The following STX7 variants were observed in gnomAD, a reference collection of about 807,000 sequenced individuals.
STX7 encodes the protein syntaxin 7.
A neutral mutation model predicts 39.6 loss-of-function variants in STX7; 34 were observed. That is an observed-to-expected ratio of 0.86 (90% CI 0.65 to 1.14). STX7 has a LOEUF of 1.14. Among genes scored for constraint, STX7 ranks in the 50% most tolerant of loss-of-function variants. The pLI, the probability that STX7 is intolerant of heterozygous loss-of-function variation, is 0.00. For missense variants in STX7, 284 were observed against 310.4 expected (o/e 0.92, Z 0.64); for synonymous variants, 119 against 99.1 (o/e 1.20, Z -1.19).
At chr6:132,505,897 T>C (rs77678226) in intron 1 of STX7, among the ~76,000 whole-genome samples, 2,739 of 151,832 alleles carry the variant, frequency 0.018, 71 homozygotes, top group African/African-American at 0.061. Flanking sequence ...AACAGACACA[T>C]AGAACAATGG....
At chr6:132,505,468 T>A (rs1775674588) in intron 1 of STX7, among the ~76,000 whole-genome samples, 2 of 152,174 alleles carry the variant, frequency 1.3e-5, no homozygotes, top group Non-Finnish European at 2.9e-5. Context: ...ATTCTCCAAC[T>A]TCCCTCTCAG....
chr6:132,508,699 T>TG (rs1013225029), intron 1 of STX7, among the ~76,000 whole-genome samples: 1 of 151,860 alleles, frequency 6.6e-6, no homozygotes, highest in Non-Finnish European at 1.5e-5. Flanking sequence ...TTTATAGAGA[T>TG]GGGGGTCTCA....
chr6:132,489,343 G>C (rs190357202), intron 2 of STX7, among the ~76,000 whole-genome samples: 1 of 152,026 alleles, frequency 6.6e-6, no homozygotes, highest in Admixed American at 6.6e-5. Flanking sequence ...TTCGTTATAG[G>C]GTACAATGTG....
chr6:132,509,468 A>C (rs1328000028), intron 1 of STX7, among the ~76,000 whole-genome samples: 766 of 15,076 alleles, frequency 0.051, 22 homozygotes, highest in Admixed American at 0.23. Context: ...ATAACATAAC[A>C]TAACATAACA....
rs1774001278 is a variant in STX7 at position 132,445,884 on chromosome 6, A to G, written c.*14874T>C. 1 of 152,198 alleles carries G rather than the reference A, an allele frequency of 6.6e-6. No individual in the cohort carries two copies. Among genetic ancestry groups the G allele is most frequent in the South Asian group, 2.1e-4 (1 of 4,836 alleles). The allele number at this position is 152,198 out of a possible 1,614,324, so 9.4% of individuals were successfully genotyped here. A position where few individuals can be genotyped will look rare whatever the true frequency, so the allele number is the denominator to read the frequency against. On this transcript the variant is annotated 3_prime_UTR_variant, in exon 10 of 10. Transcript: ENST00000367941. ...TGAAGCCATTTTCATTTCAGTATTC[A>G]GAGTTTTATAACATTTTGAAAAAGT...
intron 2 of STX7, among the ~76,000 whole-genome samples, chr6:132,477,353 G>A (rs756490546): frequency 1.3e-5 from 2 of 151,934 alleles, no homozygotes; most frequent in African/African-American, 2.4e-5. Context: ...TATGGGCATC[G>A]ATAGACTATT....
At chr6:132,472,250 A>C (rs753651045) in intron 4 of STX7, 32 bp downstream of exon 4, 3 of 1,557,884 alleles carry the variant, frequency 1.9e-6, no homozygotes, top group Non-Finnish European at 2.6e-6. Context: ...TTCACATTCA[A>C]TACATCAACA....
In STX7 at chr6:132,470,520, G is replaced by A. The variant is rs898101621; in HGVS notation, c.440+54C>T. On this transcript the variant is annotated intron_variant, in intron 6 of 9. Transcript: ENST00000367941. ...TTAATTCTGTTCCAGGGACCTTAAT[G>A]TATAAACTTTGAAAAATTACCTTTT... 125 of 1,337,978 alleles carry A rather than the reference G, an allele frequency of 9.3e-5. 1 individual carries two copies. The highest frequency in any genetic ancestry group is 6.2e-5 in the South Asian group (5 of 80,606). The allele number at this position is 1,337,978 out of a possible 1,614,324, so 82.9% of individuals were successfully genotyped here. A position where few individuals can be genotyped will look rare whatever the true frequency, so the allele number is the denominator to read the frequency against.
intron 1 of STX7, among the ~76,000 whole-genome samples, chr6:132,511,718 T>C (rs916319222): frequency 1.4e-4 from 21 of 152,240 alleles, no homozygotes; most frequent in Non-Finnish European, 1.6e-4. Context: ...TACTTGGTTT[T>C]AGTTCACAAT....
In STX7 at chr6:132,469,975, T is replaced by A; in HGVS notation, c.513A>T (p.Arg171Ser). Reference sequence around the variant, plus strand: ...CTTCAAGTTGCCTGATAGAAGATTCTCTCTCATGAATAAGACGGAGGTCAT... The same window carrying A: ...CTTCAAGTTGCCTGATAGAAGATTCACTCTCATGAATAAGACGGAGGTCAT... Reference protein sequence around the residue: ...TEDDLRLIHERESSIRQLEAD... With the variant: ...TEDDLRLIHESESSIRQLEAD... The change falls in exon 7 of 10, where the codon AGA becomes AGT. Residue 171 changes from arginine to serine, a missense_variant. Arg to Ser is a moderately radical substitution (Grantham distance 110). Transcript: ENST00000367941. The A allele has an allele frequency of 6.2e-7, 1 of 1,600,192 alleles. No homozygotes were observed. Among genetic ancestry groups the A allele is most frequent in the Non-Finnish European group, 8.5e-7 (1 of 1,175,030 alleles).
intron 2 of STX7, among the ~76,000 whole-genome samples, chr6:132,501,909 C>T (rs1250441413): frequency 6.6e-6 from 1 of 152,030 alleles, no homozygotes; most frequent in African/African-American, 2.4e-5. Context: ...AGAGGCTCTT[C>T]TGTGGCCACC....
rs2114311877 is a variant in STX7 at position 132,448,361 on chromosome 6, C to T, written c.*12397G>A. The stretch of plus-strand genomic sequence containing the variant: ...AGTCATTTTGCTGTACTCTAAAATT[C>T]ATCTTTATTCTTAAGTGAAAGTCCC... On this transcript the variant is annotated 3_prime_UTR_variant, in exon 10 of 10. Transcript: ENST00000367941. 6.6e-6 allele frequency: 1 copy of T among 152,264 alleles called. No homozygotes were observed. The highest frequency in any genetic ancestry group is 2.1e-4 in the South Asian group (1 of 4,826). 9.4% of individuals were successfully genotyped at this position (152,264 alleles called of 1,614,324 possible).
chr6:132,458,964 T>C lies in STX7; in HGVS notation c.*1794A>G, dbSNP rs1774319380. The C allele has an allele frequency of 6.6e-6, 1 of 152,196 alleles. No homozygotes were observed. The highest frequency in any genetic ancestry group is 1.5e-5 in the Non-Finnish European group (1 of 68,016). 9.4% of individuals were successfully genotyped at this position (152,196 alleles called of 1,614,324 possible). A position where few individuals can be genotyped will look rare whatever the true frequency, so the allele number is the denominator to read the frequency against. The stretch of plus-strand genomic sequence containing the variant: ...TAGAAGTAAATGTACTTGACCTGTA[T>C]GAGAATAAACATTTTATCAAGTACA... On this transcript the variant is annotated 3_prime_UTR_variant, in exon 10 of 10. Transcript: ENST00000367941.
intron 2 of STX7, among the ~76,000 whole-genome samples, chr6:132,482,123 G>A (rs897667780): frequency 3.9e-5 from 6 of 152,094 alleles, no homozygotes; most frequent in Admixed American, 1.3e-4. Flanking sequence ...AGATCAAAAC[G>A]TACGTAAGAA....
chr6:132,472,835 T>C (rs1009750654), intron 3 of STX7, among the ~76,000 whole-genome samples: 3 of 151,426 alleles, frequency 2.0e-5, no homozygotes, highest in Admixed American at 2.0e-4. Flanking sequence ...TATGTGAACA[T>C]GTATATGCTA....
intron 1 of STX7, among the ~76,000 whole-genome samples, chr6:132,508,551 C>A (rs1365948133): frequency 6.6e-6 from 1 of 152,172 alleles, no homozygotes; most frequent in East Asian, 1.9e-4. Context: ...GACAGGAGCA[C>A]CCAGGCTGGA....
Position 132,501,430 on chromosome 6 carries a change from TG to T in STX7, c.85+2015del, listed in dbSNP as rs578211408. On this transcript the variant is annotated intron_variant, in intron 2 of 9. Transcript: ENST00000367941. Reference sequence around the variant, plus strand: ...GCCAGACCTTCACATGATCCAATACTGCCCCGGATGTACTCGCACACTTAGC... The same window carrying T: ...GCCAGACCTTCACATGATCCAATACTCCCCGGATGTACTCGCACACTTAGC... Among the ~76,000 whole-genome samples the T allele has an allele frequency of 5.9e-5, 9 of 152,260 alleles. No homozygotes were observed. In the South Asian group the frequency reaches 1.9e-3, roughly 32 times the overall value.
At position 132,470,663 on chromosome 6, in the gene STX7, C is replaced by CA. The variant is rs202210547; in HGVS notation, c.388-38dup. 9.5e-3 allele frequency: 13,715 copies of CA among 1,447,174 alleles called. 140 individuals carry two copies. The highest frequency in any genetic ancestry group is 0.038 in the Middle Eastern group (203 of 5,310). 89.6% of individuals were successfully genotyped at this position (1,447,174 alleles called of 1,614,324 possible). ...AGTAACAGGATGGAATGAGAAGGGG[C>CA]AAAAAAAGCAAAAATGAGAAAAAAT... On this transcript the variant is annotated intron_variant, in intron 5 of 9. Coordinates refer to ENST00000367941, the MANE Select transcript of STX7 (RefSeq NM_003569.3).
At chr6:132,501,062 C>CTT (rs765134328) in intron 2 of STX7, among the ~76,000 whole-genome samples, 27 of 143,748 alleles carry the variant, frequency 1.9e-4, no homozygotes, top group East Asian at 1.0e-3. Flanking sequence ...CAGTCCCTGT[C>CTT]TTTTTTTTTT....
Sources: allele counts gnomAD v4.1 joint callset (sites outside exome capture counted in the v4.1 genomes callset), GRCh38; gene constraint gnomAD v4.1.1; transcripts MANE v1.5; gene names NCBI Gene and HGNC (gene_info 2026-07-23, HGNC 2026-07-21).